MRPL43: variants seen among roughly 807,000 people sequenced by gnomAD.
MRPL43 encodes large ribosomal subunit protein mL43.
In MRPL43, 9 loss-of-function variants were observed where a neutral mutation model predicts 12.7. That is an observed-to-expected ratio of 0.71 (90% CI 0.43 to 1.24). MRPL43 has a LOEUF of 1.24. Ranked by LOEUF, MRPL43 falls within the 50% of genes most tolerant of loss-of-function variation. The pLI is 0.00. For synonymous variants in MRPL43, 116 were observed against 96.4 expected, an observed-to-expected ratio of 1.20 and a Z score of -1.19; for missense variants, 211 against 229.2, an observed-to-expected ratio of 0.92 and a Z score of 0.51.
downstream of MRPL43, chr10:100,984,229 C>T (rs2133908809): frequency 2.0e-6 from 3 of 1,474,458 alleles, no homozygotes; most frequent in Non-Finnish European, 2.7e-6. Context: ...TCATTACCCC[C>T]ACTCCATACC....
At chr10:100,982,770 C>T (rs1042026488), downstream of MRPL43, among the ~76,000 whole-genome samples, 15 of 152,048 alleles carry the variant, frequency 9.9e-5, no homozygotes, top group Admixed American at 3.9e-4. Flanking sequence ...CCAGCCTAGG[C>T]GACAGAATGA....
At chr10:100,987,241 C>A (rs1190370419) in intron 1 of MRPL43, 45 bp from the exon 2 acceptor site, 10 of 1,612,500 alleles carry the variant, frequency 6.2e-6, no homozygotes, top group Non-Finnish European at 8.5e-6. Flanking sequence ...TGACTGGGGG[C>A]GACCTACCCG....
At chr10:100,979,122 G>T (rs961966703), downstream of MRPL43, 11 of 1,614,056 alleles carry the variant, frequency 6.8e-6, no homozygotes, top group African/African-American at 1.3e-4. Context: ...GAGGGAAGAA[G>T]ATCCTGCAGA....
downstream of MRPL43, chr10:100,985,720 G>A (rs1851423494): frequency 6.6e-6 from 1 of 152,458 alleles, no homozygotes; most frequent in Non-Finnish European, 1.5e-5. Context: ...GATTGGCTCT[G>A]CTCCCCAATA....
In MRPL43 at chr10:100,986,414, T is replaced by C; in HGVS notation, c.*320A>G. On this transcript the variant is annotated 3_prime_UTR_variant, in exon 3 of 3. Transcript: ENST00000318364. ...ATCAGGGATTCTTCAGAAGCCAGCC[T>C]TCAGACCTCTCACTGTGTTTTGAGA... 1 of 1,491,574 alleles carries C rather than the reference T, an allele frequency of 6.7e-7. No homozygotes were observed. Among genetic ancestry groups the C allele is most frequent in the Non-Finnish European group, 8.9e-7 (1 of 1,123,104 alleles). 92.4% of individuals were successfully genotyped at this position (1,491,574 alleles called of 1,614,324 possible).
downstream of MRPL43, chr10:100,984,507 C>A (rs140873008): frequency 1.4e-5 from 21 of 1,535,870 alleles, no homozygotes; most frequent in Non-Finnish European, 1.8e-5. Flanking sequence ...TCTGCAGGTC[C>A]ATATGGGCTC....
chr10:100,983,743 G>C, downstream of MRPL43: 1 of 1,613,114 alleles, frequency 6.2e-7, no homozygotes, highest in Non-Finnish European at 8.5e-7. Flanking sequence ...GGGCGCCGAC[G>C]GAAATACTCA....
chr10:100,979,966 G>A (rs781196938), downstream of MRPL43: 8 of 1,614,100 alleles, frequency 5.0e-6, no homozygotes, highest in Admixed American at 5.0e-5. Flanking sequence ...CTATGAGGGT[G>A]GGGTGCCTGA....
At chr10:100,980,618 G>C (rs775644707), downstream of MRPL43, 6 of 1,614,212 alleles carry the variant, frequency 3.7e-6, no homozygotes, top group Non-Finnish European at 5.1e-6. Context: ...TGGGCTCTGG[G>C]ATGCACATTA....
rs769700083 is a variant in MRPL43, at chr10:100,987,399, G to C, written c.45C>G (p.Leu15=). The C allele has an allele frequency of 6.2e-7, 1 of 1,612,528 alleles. No homozygotes were observed. Among genetic ancestry groups the C allele is most frequent in the African/African-American group, 1.3e-5 (1 of 74,954 alleles). The part of the protein sequence containing the change: ...GTPSRFLASV[L]HNGLGRYVQQ... The stretch of plus-strand genomic sequence containing the variant: ...GCACATAGCGACCCAGTCCGTTGTG[G>C]AGAACGCTGGCCAAGAAGCGGCTCG... Residue 15 remains leucine, a synonymous_variant, in exon 1 of 3, where the codon CTC becomes CTG. Coordinates refer to ENST00000318364, the MANE Select transcript of MRPL43 (RefSeq NM_032112.3).
downstream of MRPL43, chr10:100,985,072 C>G: frequency 3.1e-6 from 2 of 638,124 alleles, no homozygotes; most frequent in South Asian, 5.3e-5. Context: ...ATTTAACTGT[C>G]CTCACAGGCC....
chr10:100,979,476 G>A (rs747331412), downstream of MRPL43: 128 of 1,351,552 alleles, frequency 9.5e-5, no homozygotes, highest in East Asian at 1.5e-4. Context: ...TCCGCCTCCC[G>A]GGTTCAAGTG....
Position 100,986,788 on chromosome 10 carries a change from C to T in MRPL43, c.426G>A (p.Gly142=). 5.6e-6 allele frequency: 9 copies of T among 1,613,890 alleles called. No individual in the cohort carries two copies. Among genetic ancestry groups the T allele is most frequent in the Non-Finnish European group, 7.6e-6 (9 of 1,180,046 alleles). The change falls in exon 3 of 3, where the codon GGG becomes GGA. Residue 142 remains glycine, a synonymous_variant. Transcript: ENST00000318364. ...PFTNKPTTFR[G]LRPREVQDPA... ...GATCCTGAACCTCTCGGGGGCGTAGCCCGCGGAACGTGGTCGGCTTGTTGG... is the reference window on the plus strand; with the variant it reads ...GATCCTGAACCTCTCGGGGGCGTAGTCCGCGGAACGTGGTCGGCTTGTTGG...
downstream of MRPL43, chr10:100,978,107 A>T (rs932663557): frequency 8.4e-6 from 5 of 593,880 alleles, no homozygotes; most frequent in Admixed American, 6.0e-5. Flanking sequence ...TTGGAACTCC[A>T]AACATACATT....
At chr10:100,979,179 A>G (rs188155769), downstream of MRPL43, 2,553 of 1,614,082 alleles carry the variant, frequency 1.6e-3, 68 homozygotes, top group Admixed American at 0.04. Context: ...GCCACATTCC[A>G]CTGTATGAGA....
chr10:100,987,476 G>A lies in MRPL43; in HGVS notation c.-33C>T. 6.2e-7 allele frequency: 1 copy of A among 1,606,696 alleles called. No homozygotes were observed. ...GCTTGGAGGCCGCGGAGCCTAAGCA[G>A]CGAGGAGAGGGGGGCGGGACTAAAC... is the stretch of plus-strand genomic sequence containing the variant. On this transcript the variant is annotated 5_prime_UTR_variant, in exon 1 of 3. Coordinates refer to ENST00000318364, the MANE Select transcript of MRPL43 (RefSeq NM_032112.3).
chr10:100,985,687 C>A (rs954503227), downstream of MRPL43: 5 of 152,578 alleles, frequency 3.3e-5, no homozygotes, highest in African/African-American at 1.2e-4. Flanking sequence ...TGAGCCTATA[C>A]AGAAGGTGAT....
chr10:100,984,386 T>G, downstream of MRPL43: 2 of 1,451,662 alleles, frequency 1.4e-6, no homozygotes. Flanking sequence ...TCAGGTGCCC[T>G]GCAGACCCAG....
chr10:100,981,686 C>A, downstream of MRPL43: 1 of 1,032,768 alleles, frequency 9.7e-7, no homozygotes, highest in Non-Finnish European at 1.4e-6. Context: ...TATTATTATC[C>A]CCATGAGGGA....
Sources: allele counts gnomAD v4.1 joint callset (sites outside exome capture counted in the v4.1 genomes callset), GRCh38; gene constraint gnomAD v4.1.1; transcripts MANE v1.5; gene names NCBI Gene and HGNC (gene_info 2026-07-23, HGNC 2026-07-21).